The following RBM26 variants were observed in gnomAD, a reference collection of about 807,000 sequenced individuals.
The protein encoded by RBM26 is RNA binding motif protein 26, also known as RNA-binding protein 26.
Under a neutral mutation model 123.6 loss-of-function variants are expected in RBM26, and 30 were observed. That is an observed-to-expected ratio of 0.24 (90% CI 0.18 to 0.33). The LOEUF (loss-of-function observed/expected upper bound fraction) is 0.33. RBM26 is among the 10% of genes least tolerant of loss of function. The pLI, the probability that RBM26 is intolerant of heterozygous loss-of-function variation, is 1.00. For synonymous variants in RBM26, 400 were observed against 404.4 expected (o/e 0.99, Z 0.13); for missense variants, 947 against 1,203.6 (o/e 0.79, Z 3.15).
chr13:79,333,853 T>C (rs1395944568), intron 20 of RBM26, among the ~76,000 whole-genome samples: 9 of 152,214 alleles, frequency 5.9e-5, no homozygotes, highest in African/African-American at 1.7e-4. Context: ...CAAAAAGTCA[T>C]AGAAGTCTAG....
At chr13:79,326,971 T>C (rs2068520027) in intron 20 of RBM26, among the ~76,000 whole-genome samples, 1 of 151,966 alleles carries the variant, frequency 6.6e-6, no homozygotes, top group Non-Finnish European at 1.5e-5. Flanking sequence ...AAAAAAGTCA[T>C]TGTTATACAA....
At position 79,359,668 on chromosome 13, in the gene RBM26, C is replaced by A. The variant is rs2074429770; in HGVS notation, c.1436G>T (p.Ser479Ile). 2 of 1,557,864 alleles carry A rather than the reference C, an allele frequency of 1.3e-6. No homozygotes were observed. The highest frequency in any genetic ancestry group is 1.7e-6 in the Non-Finnish European group (2 of 1,156,394). Reference protein sequence around the residue: ...LPPREKPPNKSSMRIVVDSES... With the variant: ...LPPREKPPNKISMRIVVDSES... ...TGAGTCCACTACTATCCTCATACTGCTTTTATTGGGAGGCTTTTCTGTTTT... is the reference window on the plus strand; with the variant it reads ...TGAGTCCACTACTATCCTCATACTGATTTTATTGGGAGGCTTTTCTGTTTT... The change falls in exon 10 of 22, where the codon AGC becomes ATC. Residue 479 changes from serine to isoleucine, a missense_variant. Ser to Ile is a moderately radical substitution (Grantham distance 142). Coordinates refer to ENST00000438737, the MANE Select transcript of RBM26 (RefSeq NM_001366735.2).
At chr13:79,375,687 T>C (rs997249870) in intron 3 of RBM26, among the ~76,000 whole-genome samples, 1 of 152,082 alleles carries the variant, frequency 6.6e-6, no homozygotes, top group South Asian at 2.1e-4. Context: ...ATAAAACTGA[T>C]TGGGATGTTA....
intron 1 of RBM26, among the ~76,000 whole-genome samples, chr13:79,379,683 T>C (rs561069899): frequency 2.0e-5 from 3 of 150,998 alleles, no homozygotes; most frequent in Admixed American, 2.0e-4. Context: ...AAAAGTAATG[T>C]GATTATAAAA....
rs891014764 is a variant in RBM26, at chr13:79,329,027, G to A, written c.2820+5317C>T. ...AAGCATTCTCATACATCTTTGGTGG[G>A]CAAATAAGTATAACCTTTATGGTGG... On this transcript the variant is annotated intron_variant, in intron 20 of 21. Coordinates refer to ENST00000438737, the MANE Select transcript of RBM26 (RefSeq NM_001366735.2). Among the ~76,000 whole-genome samples, 12 of 151,780 alleles carry A rather than the reference G, an allele frequency of 7.9e-5. 1 individual carries two copies. The highest frequency in any genetic ancestry group is 1.8e-4 in the Non-Finnish European group (12 of 67,900).
At chr13:79,316,191 AGGT>A (rs1458032205), downstream of RBM26, among the ~76,000 whole-genome samples, 1 of 53,914 alleles carries the variant, frequency 1.9e-5, no homozygotes, top group African/African-American at 6.3e-5. Flanking sequence ...TAAGTGGGGC[AGGT>A]GTGTGTGTGT....
chr13:79,343,202 C>A (rs2071722655), intron 16 of RBM26, among the ~76,000 whole-genome samples: 1 of 151,772 alleles, frequency 6.6e-6, no homozygotes, highest in Admixed American at 6.6e-5. Context: ...TCTAAGTATT[C>A]CCACTATCAA....
At chr13:79,327,925 A>AAAATT (rs530979511) in intron 20 of RBM26, among the ~76,000 whole-genome samples, 31 of 152,232 alleles carry the variant, frequency 2.0e-4, no homozygotes, top group Admixed American at 1.6e-3. Context: ...CCTGAATCTA[A>AAAATT]AAATTAAATT....
intron 8 of RBM26, 32 bp downstream of exon 8, chr13:79,366,023 C>A (rs759890291): frequency 5.2e-5 from 82 of 1,590,932 alleles, no homozygotes; most frequent in Non-Finnish European, 7.0e-5. Flanking sequence ...AACTGTGTTA[C>A]ATTACGAATA....
At chr13:79,369,033 A>T in intron 5 of RBM26, 43 bp from the exon 6 acceptor site, 2 of 779,942 alleles carry the variant, frequency 2.6e-6, no homozygotes, top group South Asian at 3.7e-5. Context: ...CACTGTATTA[A>T]AAAAAAAAAA....
chr13:79,337,159 T>C lies in RBM26; in HGVS notation c.2676A>G (p.Ala892=). 6.2e-7 allele frequency: 1 copy of C among 1,614,128 alleles called. No homozygotes were observed. The highest frequency in any genetic ancestry group is 8.5e-7 in the Non-Finnish European group (1 of 1,180,012). The change falls in exon 19 of 22, where the codon GCA becomes GCG. Residue 892 remains alanine, a synonymous_variant. Coordinates refer to ENST00000438737, the MANE Select transcript of RBM26 (RefSeq NM_001366735.2). ...GHAVVDHRPR[A]LEISAFTESD... ...TCTCCGTAAATGCAGAAATCTCCAA[T>C]GCCCTGGGACGGTGATCCACCACAG...
intron 6 of RBM26, among the ~76,000 whole-genome samples, chr13:79,367,507 A>G (rs1414796344): frequency 2.0e-5 from 3 of 151,410 alleles, no homozygotes; most frequent in Admixed American, 6.6e-5. Flanking sequence ...TGTTAGGGTC[A>G]TGGGGGTAGA....
Position 79,406,030 on chromosome 13 carries a change from CCT to C in RBM26, c.-258_-257del, listed in dbSNP as rs942527162. The C allele has an allele frequency of 3.4e-6, 1 of 289,988 alleles. No individual in the cohort carries two copies. Among genetic ancestry groups the C allele is most frequent in the Non-Finnish European group, 6.4e-6 (1 of 157,434 alleles). The allele number at this position is 289,988 out of a possible 1,614,324, so 18.0% of individuals were successfully genotyped here. A position where few individuals can be genotyped will look rare whatever the true frequency, so the allele number is the denominator to read the frequency against. On this transcript the variant is annotated 5_prime_UTR_variant, in exon 1 of 22. Transcript: ENST00000438737. ...TGAAACAGCAACGGTTTGCCCGGGCCCTCCCCCTTCCCTCTTCCCCAGCAAAT... is the reference window on the plus strand; with the variant it reads ...TGAAACAGCAACGGTTTGCCCGGGCCCCCCCTTCCCTCTTCCCCAGCAAAT...
Position 79,341,138 on chromosome 13 carries a change from T to G in RBM26, c.2517A>C (p.Thr839=), listed in dbSNP as rs138026276. 16 of 1,602,550 alleles carry G rather than the reference T, an allele frequency of 1.0e-5. No homozygotes were observed. The African/African-American group carries it at 1.5e-4, about 15-fold the overall frequency. Residue 839 remains threonine (T), a synonymous_variant, in exon 18 of 22, where the codon ACA becomes ACC. Transcript: ENST00000438737. ...TTAAACATACTTCCAGCTGTAATTC[T>G]GTATACTTTCTCCTAAGTTCAGTGA... is the stretch of plus-strand genomic sequence containing the variant. ...EEVTELRRKY[T]ELQLEAAKRG...
In RBM26 at chr13:79,320,722, A is replaced by T; in HGVS notation, c.2935-12T>A. 1 of 1,522,924 alleles carries T rather than the reference A, an allele frequency of 6.6e-7. No individual in the cohort carries two copies. The highest frequency in any genetic ancestry group is 8.8e-7 in the Non-Finnish European group (1 of 1,138,426). The allele number at this position is 1,522,924 out of a possible 1,614,324, so 94.3% of individuals were successfully genotyped here. ...GACTCTTCCTGAAACTTTAGGTTAA[A>T]ATGTATTTAGGAATTTACCCAAAAA... On this transcript the variant is annotated splice_polypyrimidine_tract_variant and intron_variant, in intron 21 of 21. Transcript: ENST00000438737.
chr13:79,313,579 T>G (rs906970816), exon 5 of RBM26: 1 of 151,648 alleles, frequency 6.6e-6, no homozygotes, highest in Non-Finnish European at 1.5e-5. Flanking sequence ...TCAACTAATT[T>G]GGGGAAATAT....
At chr13:79,365,858 T>C (rs1409977112) in intron 8 of RBM26, 140 bp from the exon 9 acceptor site, 3 of 960,906 alleles carry the variant, frequency 3.1e-6, no homozygotes, top group African/African-American at 3.3e-5. Context: ...AAAATAACTT[T>C]ATTTAAAAAA....
intron 20 of RBM26, among the ~76,000 whole-genome samples, chr13:79,328,391 T>C (rs946919548): frequency 3.3e-5 from 5 of 151,792 alleles, no homozygotes; most frequent in African/African-American, 1.2e-4. Flanking sequence ...ATTTAACTAA[T>C]GAACCCAACA....
chr13:79,338,830 C>T (rs971493219), intron 18 of RBM26, among the ~76,000 whole-genome samples: 5 of 152,074 alleles, frequency 3.3e-5, no homozygotes, highest in South Asian at 2.1e-4. Context: ...TAGAAGTAAA[C>T]GCATTTAAGA....
Sources: allele counts gnomAD v4.1 joint callset (sites outside exome capture counted in the v4.1 genomes callset), GRCh38; gene constraint gnomAD v4.1.1; transcripts MANE v1.5; gene names NCBI Gene and HGNC (gene_info 2026-07-23, HGNC 2026-07-21).